Variants in TRAPPC9 observed in about 807,000 individuals in gnomAD.
TRAPPC9 encodes IKK2 binding protein.
A neutral mutation model predicts 124.0 loss-of-function variants in TRAPPC9; 83 were observed. The observed-to-expected ratio is 0.67, with a 90% CI of 0.56 to 0.80. TRAPPC9 has a LOEUF of 0.80. Among genes scored for constraint, TRAPPC9 ranks in the 30% least tolerant of loss-of-function variants. TRAPPC9 has a pLI of 0.00. For missense variants in TRAPPC9, 1,302 were observed against 1,508.3 expected (o/e 0.86, Z 2.27); for synonymous variants, 638 against 617.5 (o/e 1.03, Z -0.49).
intron 19 of TRAPPC9, among the ~76,000 whole-genome samples, chr8:139,941,139 A>T (rs1443160314): frequency 6.6e-6 from 1 of 152,238 alleles, no homozygotes; most frequent in Non-Finnish European, 1.5e-5. Flanking sequence ...ACAGGGCAGC[A>T]GAGCCTTGGG....
At chr8:140,404,724 ACATG>A (rs1409900781) in intron 6 of TRAPPC9, among the ~76,000 whole-genome samples, 1 of 151,694 alleles carries the variant, frequency 6.6e-6, no homozygotes, top group Non-Finnish European at 1.5e-5. Flanking sequence ...GCATGTGTGT[ACATG>A]CATGTGTGCA....
chr8:140,290,618 C>T (rs991212831), intron 12 of TRAPPC9, among the ~76,000 whole-genome samples: 73 of 152,294 alleles, frequency 4.8e-4, no homozygotes, highest in African/African-American at 1.6e-3. Context: ...GGGCCTTGGT[C>T]ATCTTATCAT....
chr8:139,878,422 A>G (rs1302957905), intron 21 of TRAPPC9, among the ~76,000 whole-genome samples: 1 of 152,180 alleles, frequency 6.6e-6, no homozygotes. Context: ...ATCTTCTACC[A>G]TGAGAATATA....
chr8:140,042,655 G>A lies in TRAPPC9; in HGVS notation c.2557-18576C>T, dbSNP rs963011221. Among the ~76,000 whole-genome samples the A allele has an allele frequency of 3.3e-5, 5 of 152,296 alleles. No homozygotes were observed. In the South Asian group the frequency reaches 8.3e-4, roughly 25 times the overall value. ...ACGGCCCTGTGGAGTGTCCGGGACC[G>A]CCTGGGCCCACGCCCTCTGCAGATG... On this transcript the variant is annotated intron_variant, in intron 17 of 22. Coordinates refer to ENST00000438773, the MANE Select transcript of TRAPPC9 (RefSeq NM_001160372.4).
chr8:139,997,908 G>GACAATGCATCCCACACAGGGGAT (rs1563677076), intron 18 of TRAPPC9, among the ~76,000 whole-genome samples: 1 of 33,672 alleles, frequency 3.0e-5, no homozygotes, highest in African/African-American at 6.0e-5. Flanking sequence ...ACACAGGGGA[G>GACAATGCATCCCACACAGGGGAT]ACAATGCATC....
chr8:139,961,894 G>C (rs1052420244), intron 19 of TRAPPC9, among the ~76,000 whole-genome samples: 1 of 123,964 alleles, frequency 8.1e-6, no homozygotes, highest in East Asian at 2.2e-4. Context: ...GGACAAACAG[G>C]GCAGAGAGAT....
chr8:139,763,397 T>C (rs1427343413), intron 21 of TRAPPC9, among the ~76,000 whole-genome samples: 1 of 152,204 alleles, frequency 6.6e-6, no homozygotes, highest in Non-Finnish European at 1.5e-5. Context: ...CATGGGGAAC[T>C]TTGAAAATCT....
At chr8:139,779,296 T>C (rs1821613282) in intron 21 of TRAPPC9, among the ~76,000 whole-genome samples, 1 of 152,138 alleles carries the variant, frequency 6.6e-6, no homozygotes, top group South Asian at 2.1e-4. Context: ...AACAAAGAAT[T>C]TTTCAGAAAT....
chr8:140,420,656 A>G (rs77835210), intron 5 of TRAPPC9, among the ~76,000 whole-genome samples: 88 of 152,112 alleles, frequency 5.8e-4, no homozygotes, highest in African/African-American at 2.1e-3. Flanking sequence ...CAGGTTTGTT[A>G]CATGTATAAG....
chr8:139,897,098 T>C (rs1027262395), intron 20 of TRAPPC9, among the ~76,000 whole-genome samples: 1 of 152,088 alleles, frequency 6.6e-6, no homozygotes, highest in African/African-American at 2.4e-5. Flanking sequence ...CCAGCCCAGC[T>C]CATGTTCTCA....
chr8:140,106,546 A>G (rs916783334), intron 17 of TRAPPC9, among the ~76,000 whole-genome samples: 2 of 152,110 alleles, frequency 1.3e-5, no homozygotes, highest in South Asian at 4.1e-4. Context: ...GCAACTACAC[A>G]TGGAGGGAGC....
chr8:139,989,812 C>T (rs991251982), intron 18 of TRAPPC9, among the ~76,000 whole-genome samples: 27 of 152,190 alleles, frequency 1.8e-4, no homozygotes, highest in African/African-American at 6.0e-4. Context: ...CGTCCGTGTC[C>T]GTCACCATCT....
Position 139,819,905 on chromosome 8 carries a change from TG to T in TRAPPC9, c.3055+65973del, listed in dbSNP as rs1825132993. Among the ~76,000 whole-genome samples the T allele has an allele frequency of 2.7e-5, 4 of 148,244 alleles. No individual in the cohort carries two copies. The Admixed American group carries it at 2.7e-4, about 10-fold the overall frequency. On this transcript the variant is annotated intron_variant, in intron 21 of 22. Coordinates refer to ENST00000438773, the MANE Select transcript of TRAPPC9 (RefSeq NM_001160372.4). ...GCGTGCGCCTATAGTCCCAGCTACT[TG>T]GGAGGCTGAGGCAGGAGAATCACCC...
rs202158862 is a variant in TRAPPC9 at position 140,156,110 on chromosome 8, T to C, written c.2556+65349A>G. Among the ~76,000 whole-genome samples the C allele has an allele frequency of 1.3e-3, 198 of 152,194 alleles. 5 individuals are homozygous for C. Among genetic ancestry groups the C allele is most frequent in the Admixed American group, 0.013 (197 of 15,282 alleles). Reference sequence around the variant, plus strand: ...TGCTAAATGAAGGGGTAACATTCGATGCAGACAGCTGGGTGAATCAGAAGA... The same window carrying C: ...TGCTAAATGAAGGGGTAACATTCGACGCAGACAGCTGGGTGAATCAGAAGA... On this transcript the variant is annotated intron_variant, in intron 17 of 22. Transcript: ENST00000438773.
At chr8:140,397,843 C>G in intron 6 of TRAPPC9, 98 bp from the exon 7 acceptor site, 2 of 1,504,390 alleles carry the variant, frequency 1.3e-6, no homozygotes, top group South Asian at 2.3e-5. Flanking sequence ...ACTACAACAG[C>G]ACTTCCCCCA....
chr8:140,074,995 A>AT, intron 17 of TRAPPC9, among the ~76,000 whole-genome samples: 1 of 152,098 alleles, frequency 6.6e-6, no homozygotes, highest in Admixed American at 6.5e-5. Flanking sequence ...AAGAGACATC[A>AT]CTTGCCCAAT....
chr8:140,430,749 C>T (rs551498620), intron 4 of TRAPPC9, among the ~76,000 whole-genome samples: 3 of 152,280 alleles, frequency 2.0e-5, no homozygotes, highest in Admixed American at 6.5e-5. Context: ...AGCAATCCTC[C>T]CAACTCAGCC....
At chr8:140,189,066 T>C (rs974967427) in intron 17 of TRAPPC9, among the ~76,000 whole-genome samples, 1 of 152,216 alleles carries the variant, frequency 6.6e-6, no homozygotes, top group Non-Finnish European at 1.5e-5. Flanking sequence ...ACACAAATAT[T>C]GTTTTTCAAC....
At chr8:140,026,293 T>C (rs147147767) in intron 17 of TRAPPC9, among the ~76,000 whole-genome samples, 1 of 152,312 alleles carries the variant, frequency 6.6e-6, no homozygotes, top group East Asian at 1.9e-4. Context: ...GTGTGAACAG[T>C]GCTGCTATGG....
Sources: allele counts gnomAD v4.1 joint callset (sites outside exome capture counted in the v4.1 genomes callset), GRCh38; gene constraint gnomAD v4.1.1; transcripts MANE v1.5; gene names NCBI Gene and HGNC (gene_info 2026-07-23, HGNC 2026-07-21).